The following MAST4 variants were observed in gnomAD, a reference collection of about 807,000 sequenced individuals.
MAST4 encodes the protein microtubule associated serine/threonine kinase family member 4.
MAST4 carries 89 observed loss-of-function variants against 162.7 expected under a neutral mutation model. The ratio of observed to expected loss-of-function variants is 0.55; its 90% CI spans 0.46 to 0.65. MAST4 has a LOEUF of 0.65. Ranked by LOEUF, MAST4 falls within the 30% of genes least tolerant of loss-of-function variation. The pLI is 0.00. For missense variants in MAST4, 3,153 were observed against 3,374.0 expected (o/e 0.93, Z 1.62); for synonymous variants, 1,479 against 1,361.1 (o/e 1.09, Z -1.91).
At chr5:66,997,574 G>A (rs566254543) in intron 4 of MAST4, among the ~76,000 whole-genome samples, 1 of 151,854 alleles carries the variant, frequency 6.6e-6, no homozygotes, top group Non-Finnish European at 1.5e-5. Flanking sequence ...TGGGATTACA[G>A]GCACCTGCCA....
At chr5:66,733,431 C>T (rs573273312) in intron 1 of MAST4, among the ~76,000 whole-genome samples, 1 of 152,074 alleles carries the variant, frequency 6.6e-6, no homozygotes, top group Non-Finnish European at 1.5e-5. Flanking sequence ...AGATATCTTT[C>T]ATTCTGTAGG....
intron 1 of MAST4, among the ~76,000 whole-genome samples, chr5:66,754,450 C>T (rs2149601240): frequency 6.6e-6 from 1 of 152,292 alleles, no homozygotes; most frequent in South Asian, 2.1e-4. Context: ...ACTAGAGACT[C>T]ACTTTAGTTT....
At chr5:66,611,668 C>T (rs1743296287) in intron 1 of MAST4, among the ~76,000 whole-genome samples, 2 of 152,212 alleles carry the variant, frequency 1.3e-5, no homozygotes, top group Admixed American at 6.5e-5. Context: ...CAGTTGATTT[C>T]ATAATGAGAG....
At chr5:67,041,697 C>G (rs772983009) in intron 4 of MAST4, among the ~76,000 whole-genome samples, 1 of 152,232 alleles carries the variant, frequency 6.6e-6, no homozygotes, top group African/African-American at 2.4e-5. Context: ...GGTGCGATCT[C>G]AGCTCACTGC....
rs545896285 is a variant in MAST4 at position 66,761,043 on chromosome 5, C to T, written c.517+1181C>T. On this transcript the variant is annotated intron_variant, in intron 2 of 28. Transcript: ENST00000403625. The stretch of plus-strand genomic sequence containing the variant: ...TACATTCCTGACAGGTATGGATGAA[C>T]GATCCAATTGCTGTGCGTTCTTGCT... Among the ~76,000 whole-genome samples, 21 of 152,244 alleles carry T rather than the reference C, an allele frequency of 1.4e-4. No homozygotes were observed. The South Asian group carries it at 3.1e-3, about 23-fold the overall frequency.
chr5:66,825,064 G>T (rs888075705), intron 3 of MAST4, among the ~76,000 whole-genome samples: 3 of 152,030 alleles, frequency 2.0e-5, no homozygotes, highest in African/African-American at 7.2e-5. Context: ...TCTTTATTCA[G>T]TGATAAATTA....
chr5:67,028,771 C>T (rs910792755), intron 4 of MAST4, among the ~76,000 whole-genome samples: 1 of 151,860 alleles, frequency 6.6e-6, no homozygotes, highest in African/African-American at 2.4e-5. Flanking sequence ...ATAGACACAC[C>T]CAAGTGGAGA....
At chr5:66,915,526 C>A (rs1196923797) in intron 4 of MAST4, among the ~76,000 whole-genome samples, 1 of 152,124 alleles carries the variant, frequency 6.6e-6, no homozygotes, top group African/African-American at 2.4e-5. Flanking sequence ...AGCATTTGAA[C>A]TAGTGTACTT....
rs139566031 is a variant in MAST4, at chr5:67,060,989, G to T, written c.763+6497G>T. 2.6e-3 allele frequency among the ~76,000 whole-genome samples: 403 copies of T among 152,218 alleles called. 3 individuals carry two copies. The highest frequency in any genetic ancestry group is 9.3e-3 in the African/African-American group (388 of 41,552). ...TGTTGCCATGACTCTAATCTTCAAG[G>T]CTTGTTTGCTTTAAAAGTGTGAGTT... On this transcript the variant is annotated intron_variant, in intron 5 of 28. Transcript: ENST00000403625.
chr5:66,600,097 T>G (rs1427326589), intron 1 of MAST4, among the ~76,000 whole-genome samples: 1 of 152,254 alleles, frequency 6.6e-6, no homozygotes, highest in African/African-American at 2.4e-5. Context: ...TTTATCTTAC[T>G]GTCAATAATT....
chr5:67,112,853 A>C (rs564521047), intron 11 of MAST4, among the ~76,000 whole-genome samples: 1 of 152,122 alleles, frequency 6.6e-6, no homozygotes, highest in East Asian at 1.9e-4. Context: ...GGAGATGAGG[A>C]TGGGGCTGCA....
chr5:66,950,093 C>T (rs185960680), intron 4 of MAST4, among the ~76,000 whole-genome samples: 1 of 152,062 alleles, frequency 6.6e-6, no homozygotes, highest in Non-Finnish European at 1.5e-5. Flanking sequence ...AAAATCCTGC[C>T]ACTACCTCAC....
rs371145620 is a variant in MAST4 at position 66,996,226 on chromosome 5, T to A, written c.675-58178T>A. ...CCCCGGAGGCAGAGGTTGCAGTGAG[T>A]CGAGATCGTGCCATTGCACTCCAGC... On this transcript the variant is annotated intron_variant, in intron 4 of 28. Transcript: ENST00000403625. 5.9e-5 allele frequency among the ~76,000 whole-genome samples: 9 copies of A among 152,032 alleles called. No individual in the cohort carries two copies. The East Asian group carries it at 1.6e-3, about 26-fold the overall frequency.
At chr5:66,623,069 G>C (rs1272718045) in intron 1 of MAST4, 2 of 152,210 alleles carry the variant, frequency 1.3e-5, no homozygotes, top group Non-Finnish European at 2.9e-5. Context: ...AGATGACCCA[G>C]ATCCTTTGGG....
intron 3 of MAST4, among the ~76,000 whole-genome samples, chr5:66,840,047 C>T (rs550970613): frequency 6.6e-6 from 1 of 151,704 alleles, no homozygotes; most frequent in South Asian, 2.1e-4. Context: ...TTTTTTTGAG[C>T]TTTGGCCTAG....
intron 1 of MAST4, among the ~76,000 whole-genome samples, chr5:66,641,605 A>C (rs1454932828): frequency 6.6e-6 from 1 of 152,222 alleles, no homozygotes; most frequent in Non-Finnish European, 1.5e-5. Context: ...GCTTTCTGGG[A>C]GAAATGGCTG....
At chr5:67,126,609 G>C (rs1768267031) in intron 14 of MAST4, among the ~76,000 whole-genome samples, 1 of 152,136 alleles carries the variant, frequency 6.6e-6, no homozygotes, top group African/African-American at 2.4e-5. Context: ...CTGTATATCT[G>C]TTTTGGTACC....
intron 1 of MAST4, among the ~76,000 whole-genome samples, chr5:66,740,077 G>A (rs1248631068): frequency 6.6e-6 from 1 of 152,180 alleles, no homozygotes; most frequent in Non-Finnish European, 1.5e-5. Flanking sequence ...TAGGCCTGTG[G>A]GAGGAACTGA....
chr5:66,798,647 A>C (rs1755770302), intron 3 of MAST4, among the ~76,000 whole-genome samples: 1 of 152,212 alleles, frequency 6.6e-6, no homozygotes, highest in South Asian at 2.1e-4. Context: ...AGTGAGTAAT[A>C]ATTGGGTTCT....
Sources: allele counts gnomAD v4.1 joint callset (sites outside exome capture counted in the v4.1 genomes callset), GRCh38; gene constraint gnomAD v4.1.1; transcripts MANE v1.5; gene names NCBI Gene and HGNC (gene_info 2026-07-23, HGNC 2026-07-21).